PLEKHN1: variants seen among roughly 807,000 people sequenced by gnomAD.
PLEKHN1 encodes pleckstrin homology domain-containing family N member 1.
Under a neutral mutation model 72.8 loss-of-function variants are expected in PLEKHN1, and 68 were observed. That is an observed-to-expected ratio of 0.93 (90% confidence interval 0.77 to 1.14). PLEKHN1 has a LOEUF of 1.14. PLEKHN1 is among the 50% of genes most tolerant of loss of function. The pLI is 0.00. For synonymous variants in PLEKHN1, 454 were observed against 371.6 expected (o/e 1.22, Z -2.55); for missense variants, 1,015 against 840.5 (o/e 1.21, Z -2.57).
Position 973,484 on chromosome 1 carries a change from C to T in PLEKHN1, c.1294-16C>T, listed in dbSNP as rs1432986043. ...TTCTAGCCGAGAAGCCCATTTCTCC[C>T]ACCTCTGCCCTGCAGCTGCACAGGC... On this transcript the variant is annotated splice_polypyrimidine_tract_variant and intron_variant, in intron 12 of 15. Transcript: ENST00000379410. The T allele has an allele frequency of 1.2e-6, 2 of 1,611,222 alleles. No homozygotes were observed. The highest frequency in any genetic ancestry group is 1.7e-6 in the Non-Finnish European group (2 of 1,179,384).
chr1:970,576 A>C lies in PLEKHN1; in HGVS notation c.386A>C (p.His129Pro), dbSNP rs1643260162. ...LFPAHLYFQAHGSEGLTFQGL... is the reference protein window; with the variant it reads ...LFPAHLYFQAPGSEGLTFQGL... The stretch of plus-strand genomic sequence containing the variant: ...CCCGCCCACCTGTACTTCCAGGCCC[A>C]CGGCTCGGAAGGACTCACATTTCAG... The change falls in exon 4 of 16, where the codon CAC becomes CCC. Residue 129 changes from histidine to proline, a missense_variant. His to Pro is a moderately conservative substitution (Grantham distance 77). Coordinates refer to ENST00000379410, the MANE Select transcript of PLEKHN1 (RefSeq NM_032129.3). This position sits in a 1 kb window ranked among gnomAD's most constrained non-coding sequence, Gnocchi z 4.2. The C allele has an allele frequency of 6.2e-7, 1 of 1,612,740 alleles. No individual in the cohort carries two copies. The highest frequency in any genetic ancestry group is 8.5e-7 in the Non-Finnish European group (1 of 1,179,908).
chr1:974,084 G>A, intron 14 of PLEKHN1, 33 bp downstream of exon 14: 1 of 1,545,488 alleles, frequency 6.5e-7, no homozygotes, highest in Non-Finnish European at 8.7e-7. Context: ...GTGTGCCCCG[G>A]GCTCCGGGCT....
intron 2 of PLEKHN1, among the ~76,000 whole-genome samples, chr1:969,311 G>C (rs1643156970): frequency 6.6e-6 from 1 of 152,252 alleles, no homozygotes; most frequent in African/African-American, 2.4e-5. Context: ...CTCTGTGTGG[G>C]GAAGTGTGTC....
Position 970,207 on chromosome 1 carries a change from T to G in PLEKHN1, c.184-70T>G. ...GCAGACCATGCTATAGTCCTGTAGCTGTGTGGATGCGAGCGGAGGGGGTGG... is the reference window on the plus strand; with the variant it reads ...GCAGACCATGCTATAGTCCTGTAGCGGTGTGGATGCGAGCGGAGGGGGTGG... On this transcript the variant is annotated intron_variant, in intron 2 of 15. Coordinates refer to ENST00000379410, the MANE Select transcript of PLEKHN1 (RefSeq NM_032129.3). This position sits in a 1 kb window ranked among gnomAD's most constrained non-coding sequence, Gnocchi z 4.2. 6.5e-7 allele frequency: 1 copy of G among 1,530,088 alleles called. No homozygotes were observed. The highest frequency in any genetic ancestry group is 8.9e-7 in the Non-Finnish European group (1 of 1,124,584). 94.8% of individuals were successfully genotyped at this position (1,530,088 alleles called of 1,614,324 possible). A position where few individuals can be genotyped will look rare whatever the true frequency, so the allele number is the denominator to read the frequency against.
At chr1:971,796 C>G (rs954849940) in intron 8 of PLEKHN1, among the ~76,000 whole-genome samples, 12 of 152,190 alleles carry the variant, frequency 7.9e-5, no homozygotes, top group Non-Finnish European at 1.6e-4. Flanking sequence ...ACACAGGGCC[C>G]TCCCCATGGT....
rs769433567 is a variant in PLEKHN1, at chr1:974,313, C to T, written c.1654-3C>T. 6 of 1,612,836 alleles carry T rather than the reference C, an allele frequency of 3.7e-6. No individual in the cohort carries two copies. Among genetic ancestry groups the T allele is most frequent in the Middle Eastern group, 1.6e-4 (1 of 6,084 alleles). ...CTCTCAGACTTGCGGTTTGGGGTTCCAGGTCTCCTCTGCCAGGGAAGGTTC... is the reference window on the plus strand; with the variant it reads ...CTCTCAGACTTGCGGTTTGGGGTTCTAGGTCTCCTCTGCCAGGGAAGGTTC... On this transcript the variant is annotated splice_region_variant and splice_polypyrimidine_tract_variant and intron_variant, in intron 14 of 15. Transcript: ENST00000379410.
At position 973,561 on chromosome 1, in the gene PLEKHN1, A is replaced by T; in HGVS notation, c.1355A>T (p.His452Leu). 1 of 1,612,400 alleles carries T rather than the reference A, an allele frequency of 6.2e-7. No homozygotes were observed. Among genetic ancestry groups the T allele is most frequent in the Middle Eastern group, 1.6e-4 (1 of 6,062 alleles). ...CCTGACCACACTTCGGAAACATCAC[A>T]CTCGCCCCTCTATGCCGACCCCTAC... ...DAPDHTSETS[H>L]SPLYADPYTP... Residue 452 changes from histidine to leucine, a missense_variant, in exon 13 of 16, where the codon CAC becomes CTC. Coordinates refer to ENST00000379410, the MANE Select transcript of PLEKHN1 (RefSeq NM_032129.3).
At chr1:968,547 A>G (rs1643124934) in intron 2 of PLEKHN1, among the ~76,000 whole-genome samples, 1 of 152,212 alleles carries the variant, frequency 6.6e-6, no homozygotes, top group Non-Finnish European at 1.5e-5. Flanking sequence ...CTCTGGGGAC[A>G]CAGCAGTGAA....
intron 2 of PLEKHN1, among the ~76,000 whole-genome samples, chr1:967,994 C>A (rs906574761): frequency 4.6e-5 from 7 of 152,218 alleles, no homozygotes; most frequent in African/African-American, 7.2e-5. Flanking sequence ...CAGTGCTCCG[C>A]GGCCCTGTAC....
At position 970,725 on chromosome 1, in the gene PLEKHN1, G is replaced by C; in HGVS notation, c.451G>C (p.Glu151Gln). 1 of 1,604,392 alleles carries C rather than the reference G, an allele frequency of 6.2e-7. No individual in the cohort carries two copies. Residue 151 changes from glutamate to glutamine, a missense_variant, in exon 5 of 16, where the codon GAG (glutamate) becomes CAG (glutamine). Physicochemically the swap from Glu to Gln is conservative, Grantham distance 29. Coordinates refer to ENST00000379410, the MANE Select transcript of PLEKHN1 (RefSeq NM_032129.3). This position sits in a 1 kb window ranked among gnomAD's most constrained non-coding sequence, Gnocchi z 4.2. ...PLTELSVCPL[E>Q]GSREHAFQIT... ...GACGGAGCTGAGTGTCTGCCCGCTCGAGGGGTCCCGAGAGCACGCCTTCCA... is the reference window on the plus strand; with the variant it reads ...GACGGAGCTGAGTGTCTGCCCGCTCCAGGGGTCCCGAGAGCACGCCTTCCA...
chr1:975,523 T>C lies in PLEKHN1; in HGVS notation c.*948T>C, dbSNP rs4970429. ...CCACAGACCCCCACCCTGCAGGGGC[T>C]GCTGCACTGGGGAGGGGCAGGCAGA... is the stretch of plus-strand genomic sequence containing the variant. On this transcript the variant is annotated 3_prime_UTR_variant, in exon 16 of 16. Transcript: ENST00000379410. The C allele has an allele frequency of 0.92, 139,671 of 152,486 alleles. 64,567 individuals carry two copies. Among genetic ancestry groups the C allele is most frequent in the East Asian group, 1 (5,178 of 5,180 alleles). The allele number at this position is 152,486 out of a possible 1,614,324, so 9.4% of individuals were successfully genotyped here.
rs1643480306 is a variant in PLEKHN1, at chr1:973,953, T to C, written c.1555T>C (p.Leu519=). The C allele has an allele frequency of 6.2e-7, 1 of 1,610,734 alleles. No homozygotes were observed. Among genetic ancestry groups the C allele is most frequent in the Non-Finnish European group, 8.5e-7 (1 of 1,179,780 alleles). The part of the protein sequence containing the change: ...SCSSGPAGPY[L]LSKKGALQSR... ...CTCCTCCGGCCCCGCTGGCCCCTAC[T>C]TGCTCTCCAAGAAGGGAGCCCTGCA... Residue 519 remains leucine, a synonymous_variant, in exon 14 of 16, where the codon TTG becomes CTG. Transcript: ENST00000379410.
Position 973,615 on chromosome 1 carries a change from T to C in PLEKHN1, c.1409T>C (p.Val470Ala). The change falls in exon 13 of 16, where the codon GTC (valine) becomes GCC (alanine). Residue 470 changes from valine to alanine, a missense_variant. By Grantham distance (64) the Val-to-Ala change is moderately conservative. Coordinates refer to ENST00000379410, the MANE Select transcript of PLEKHN1 (RefSeq NM_032129.3). ...YTPPATSHRR[V>A]TDVRGLEEFL... ...CCACCCGCCACCTCCCACCGCAGGGTCACAGATGTCCGGGGCCTGGAGGAG... is the reference window on the plus strand; with the variant it reads ...CCACCCGCCACCTCCCACCGCAGGGCCACAGATGTCCGGGGCCTGGAGGAG... 6.2e-7 allele frequency: 1 copy of C among 1,612,894 alleles called. No individual in the cohort carries two copies. The highest frequency in any genetic ancestry group is 8.5e-7 in the Non-Finnish European group (1 of 1,179,926).
At position 972,369 on chromosome 1, in the gene PLEKHN1, C is replaced by T. The variant is rs1643382560; in HGVS notation, c.947C>T (p.Thr316Ile). The T allele has an allele frequency of 6.3e-7, 1 of 1,593,270 alleles. No homozygotes were observed. The highest frequency in any genetic ancestry group is 8.5e-7 in the Non-Finnish European group (1 of 1,172,516). The change falls in exon 10 of 16, where the codon ACC becomes ATC. Residue 316 changes from threonine to isoleucine, a missense_variant. Transcript: ENST00000379410. ...TGGCTGCTGTGCCTTCGCGCTGTCA[C>T]CCACAGGGAGGGGGCCCCGCCGCTG... is the stretch of plus-strand genomic sequence containing the variant. ...GHWLLCLRAV[T>I]HREGAPPLPG... is the part of the protein sequence containing the mutation.
At chr1:966,995 C>G (rs896143375) in intron 2 of PLEKHN1, among the ~76,000 whole-genome samples, 192 bp downstream of exon 2, 1 of 152,194 alleles carries the variant, frequency 6.6e-6, no homozygotes, top group Non-Finnish European at 1.5e-5. Flanking sequence ...AGAGCGAAAC[C>G]GCGACGCAGG....
chr1:974,029 AGCCCCCAGAC>A lies in PLEKHN1; in HGVS notation c.1637_1646del (p.Pro546LeufsTer18), dbSNP rs1437074784. On this transcript the variant is annotated frameshift_variant, in exon 14 of 16. Coordinates refer to ENST00000379410, the MANE Select transcript of PLEKHN1 (RefSeq NM_032129.3). LOFTEE classifies it high-confidence loss of function. ...GGCTCAGCCAAGGATGGGGGGCCGCAGCCCCCAGACGCCCCTCAGCTTGTGAGTAGCAGCC... is the reference window on the plus strand; with the variant it reads ...GGCTCAGCCAAGGATGGGGGGCCGCAGCCCCTCAGCTTGTGAGTAGCAGCC... The A allele has an allele frequency of 1.3e-6, 2 of 1,594,662 alleles. No homozygotes were observed. The highest frequency in any genetic ancestry group is 1.7e-6 in the Non-Finnish European group (2 of 1,173,238).
chr1:970,359 C>T lies in PLEKHN1; in HGVS notation c.266C>T (p.Pro89Leu), dbSNP rs1246786829. 14 of 1,613,462 alleles carry T rather than the reference C, an allele frequency of 8.7e-6. No individual in the cohort carries two copies. The highest frequency in any genetic ancestry group is 1.1e-5 in the Non-Finnish European group (13 of 1,179,966). ...SVFKKGRRRV[P>L]VRNLGKVVHY... is the part of the protein sequence containing the mutation. ...TTCAAGAAGGGGCGGCGGAGGGTGC[C>T]TGTGAGGAACCTGGGAAAAGTTGTG... The change falls in exon 3 of 16, where the codon CCT becomes CTT. Residue 89 changes from proline (P) to leucine (L), a missense_variant. Transcript: ENST00000379410. This position sits in a 1 kb window ranked among gnomAD's most constrained non-coding sequence, Gnocchi z 4.2.
At chr1:974,400 G>A in intron 15 of PLEKHN1, 36 bp downstream of exon 15, 1 of 1,612,960 alleles carries the variant, frequency 6.2e-7, no homozygotes, top group Non-Finnish European at 8.5e-7. Context: ...GTGAGTGCCT[G>A]TTGCCTCCCA....
chr1:971,201 C>A lies in PLEKHN1; in HGVS notation c.701C>A (p.Pro234His). Residue 234 changes from proline to histidine, a missense_variant, in exon 7 of 16, where the codon CCC becomes CAC. Pro to His is a moderately conservative substitution (Grantham distance 77). Coordinates refer to ENST00000379410, the MANE Select transcript of PLEKHN1 (RefSeq NM_032129.3). ...TCGAGGGTCAAGCTGCAGCACCTGCCCGCACAGGTGGGTGGGAGGTGCGTG... is the reference window on the plus strand; with the variant it reads ...TCGAGGGTCAAGCTGCAGCACCTGCACGCACAGGTGGGTGGGAGGTGCGTG... ...CASRVKLQHL[P>H]AQEQWDRLLV... 6.3e-7 allele frequency: 1 copy of A among 1,577,908 alleles called. No homozygotes were observed. Among genetic ancestry groups the A allele is most frequent in the Non-Finnish European group, 8.6e-7 (1 of 1,162,242 alleles).
Sources: gnomAD v4.1 joint callset for allele counts (sites outside exome capture counted in the v4.1 genomes callset) on GRCh38, gnomAD v4.1.1 for gene constraint, Gnocchi (gnomAD v3.1) non-coding constraint, MANE v1.5 for transcripts, NCBI Gene and HGNC (gene_info 2026-07-23, HGNC 2026-07-21) for gene names.